UPB1: variants seen among roughly 807,000 people sequenced by gnomAD.
UPB1 encodes beta-ureidopropionase.
A neutral mutation model predicts 49.1 loss-of-function variants in UPB1; 40 were observed. The ratio of observed to expected loss-of-function variants is 0.81; its 90% CI spans 0.63 to 1.06. The LOEUF is 1.06. Ranked by LOEUF, UPB1 falls within the 50% of genes least tolerant of loss-of-function variation. The probability of loss-of-function intolerance (pLI) is 0.00; values close to 1 mark genes in which losing one functional copy is unlikely to be tolerated. For synonymous variants in UPB1, 207 were observed against 198.2 expected, an observed-to-expected ratio of 1.04 and a Z score of -0.38; for missense variants, 499 against 505.9, an observed-to-expected ratio of 0.99 and a Z score of 0.13.
chr22:24,511,613 T>C (rs140326), intron 4 of UPB1, among the ~76,000 whole-genome samples: 3,944 of 96,720 alleles, frequency 0.041, 185 homozygotes, highest in East Asian at 0.13. Flanking sequence ...TATATATATA[T>C]ATATATTTTT....
chr22:24,498,206 C>T (rs149556906), intron 1 of UPB1, among the ~76,000 whole-genome samples: 1 of 152,322 alleles, frequency 6.6e-6, no homozygotes, highest in African/African-American at 2.4e-5. Flanking sequence ...CCCTCATGAC[C>T]TAATCACCTC....
chr22:24,523,678 C>T lies in UPB1; in HGVS notation c.976C>T (p.Arg326Trp), dbSNP rs113975342. 6 of 1,614,272 alleles carry T rather than the reference C, an allele frequency of 3.7e-6. No homozygotes were observed. The highest frequency in any genetic ancestry group is 1.3e-5 in the African/African-American group (1 of 75,066). The change falls in exon 9 of 10, where the codon CGG becomes TGG. Residue 326 changes from arginine to tryptophan, a missense_variant. By Grantham distance (101) the Arg-to-Trp change is moderately radical (BLOSUM62 -3). Coordinates refer to ENST00000326010, the MANE Select transcript of UPB1 (RefSeq NM_016327.3). The part of the protein sequence containing the change: ...SSYVAAPDSS[R>W]TPGLSRSRDG... ...CTATGTGGCAGCCCCTGACAGCAGC[C>T]GGACTCCTGGGCTGTCCCGTAGCCG... is the stretch of plus-strand genomic sequence containing the variant.
At chr22:24,524,897 G>T (rs1291159859) in intron 9 of UPB1, among the ~76,000 whole-genome samples, 1 of 152,136 alleles carries the variant, frequency 6.6e-6, no homozygotes, top group Non-Finnish European at 1.5e-5. Flanking sequence ...CCCAGACATG[G>T]GCTTTTGGCC....
intron 5 of UPB1, among the ~76,000 whole-genome samples, chr22:24,514,868 T>C (rs375075880): frequency 2.0e-4 from 31 of 152,324 alleles, no homozygotes; most frequent in African/African-American, 7.0e-4. Flanking sequence ...CTCGTGTTAA[T>C]GCCAACCAAA....
At chr22:24,508,679 A>C (rs190399551) in intron 3 of UPB1, among the ~76,000 whole-genome samples, 76 of 152,282 alleles carry the variant, frequency 5.0e-4, no homozygotes, top group Non-Finnish European at 7.5e-4. Flanking sequence ...GGAGTTTGAG[A>C]CCAGCCTGGC....
Position 24,495,424 on chromosome 22 carries a change from G to A in UPB1, c.21G>A (p.Lys7=). MAGAEW[K]SLEECLEKHL... ...TGGCCATGGCGGGCGCTGAGTGGAA[G>A]TCGCTGGAGGAATGCTTGGAGAAGC... The change falls in exon 1 of 10, where the codon AAG becomes AAA. Residue 7 remains lysine, a synonymous_variant. Coordinates refer to ENST00000326010, the MANE Select transcript of UPB1 (RefSeq NM_016327.3). 2.5e-6 allele frequency: 4 copies of A among 1,613,484 alleles called. No individual in the cohort carries two copies. Among genetic ancestry groups the A allele is most frequent in the Non-Finnish European group, 3.4e-6 (4 of 1,180,034 alleles).
Position 24,521,853 on chromosome 22 carries a change from C to T in UPB1, c.874-133C>T, listed in dbSNP as rs544592617. 4.1e-5 allele frequency: 37 copies of T among 901,454 alleles called. No homozygotes were observed. The Admixed American group carries it at 6.0e-4, about 15-fold the overall frequency. The allele number at this position is 901,454 out of a possible 1,614,324, so 55.8% of individuals were successfully genotyped here. A position where few individuals can be genotyped will look rare whatever the true frequency, so the allele number is the denominator to read the frequency against. On this transcript the variant is annotated intron_variant, in intron 7 of 9. Coordinates refer to ENST00000326010, the MANE Select transcript of UPB1 (RefSeq NM_016327.3). The stretch of plus-strand genomic sequence containing the variant: ...ATTGCCCGGTGAGTACAGACCATTC[C>T]AGCTCACCTTAACTGTTTCCTGGCT...
chr22:24,517,569 C>T (rs78219900), intron 6 of UPB1, among the ~76,000 whole-genome samples: 2,108 of 152,284 alleles, frequency 0.014, 65 homozygotes, highest in African/African-American at 0.048. Context: ...TGTGCAGAGG[C>T]CCTCCCTGAC....
At chr22:24,502,460 A>G (rs2044011636) in intron 3 of UPB1, 2 of 780,860 alleles carry the variant, frequency 2.6e-6, no homozygotes, top group South Asian at 1.3e-5. Context: ...CTCTACCACC[A>G]CCTGGTCCAA....
At chr22:24,524,333 G>A (rs2044447023) in intron 9 of UPB1, among the ~76,000 whole-genome samples, 1 of 152,170 alleles carries the variant, frequency 6.6e-6, no homozygotes, top group African/African-American at 2.4e-5. Context: ...TGCTGGCTTT[G>A]ACACCTAATG....
intron 3 of UPB1, 56 bp from the exon 4 acceptor site, chr22:24,510,693 C>T (rs891009190): frequency 2.6e-6 from 4 of 1,549,178 alleles, no homozygotes; most frequent in Non-Finnish European, 3.6e-6. Flanking sequence ...GGCTGAGGAG[C>T]CCCCCTCAGA....
At chr22:24,520,315 G>C in intron 6 of UPB1, 72 bp from the exon 7 acceptor site, 8 of 1,550,386 alleles carry the variant, frequency 5.2e-6, no homozygotes, top group Non-Finnish European at 7.1e-6. Flanking sequence ...GCCAGGCCAG[G>C]CTCAGGGCTG....
At chr22:24,513,043 G>T (rs1039040728) in intron 4 of UPB1, among the ~76,000 whole-genome samples, 3 of 152,190 alleles carry the variant, frequency 2.0e-5, no homozygotes, top group Non-Finnish European at 2.9e-5. Flanking sequence ...CCAGGATTAG[G>T]ATTGCCAGAT....
chr22:24,499,774 T>C (rs2043956928), intron 1 of UPB1, among the ~76,000 whole-genome samples: 1 of 152,190 alleles, frequency 6.6e-6, no homozygotes, highest in African/African-American at 2.4e-5. Flanking sequence ...TTCCCTCCTT[T>C]CTGTGCTGAC....
At chr22:24,505,938 C>G (rs549008040) in intron 3 of UPB1, among the ~76,000 whole-genome samples, 2 of 151,626 alleles carry the variant, frequency 1.3e-5, no homozygotes, top group Non-Finnish European at 2.9e-5. Context: ...GTCTCGAACT[C>G]CTGACCTCAG....
At chr22:24,504,279 A>C (rs890913925) in intron 3 of UPB1, among the ~76,000 whole-genome samples, 2 of 152,240 alleles carry the variant, frequency 1.3e-5, no homozygotes, top group Admixed American at 6.5e-5. Context: ...GGCCTTGCCC[A>C]TCTGAAAATA....
intron 8 of UPB1, among the ~76,000 whole-genome samples, chr22:24,523,027 A>G (rs1448065881): frequency 2.6e-5 from 4 of 151,520 alleles, no homozygotes; most frequent in Non-Finnish European, 4.4e-5. Context: ...AGGGTCCCAG[A>G]TGCCGCCATT....
chr22:24,499,998 G>T, intron 1 of UPB1, 109 bp from the exon 2 acceptor site: 1 of 1,561,734 alleles, frequency 6.4e-7, no homozygotes, highest in South Asian at 1.1e-5. Context: ...TTCTAGCCAG[G>T]ACATCCTCAC....
In UPB1 at chr22:24,520,493, A is replaced by G. The variant is rs535506194; in HGVS notation, c.873+25A>G. On this transcript the variant is annotated intron_variant, in intron 7 of 9. Coordinates refer to ENST00000326010, the MANE Select transcript of UPB1 (RefSeq NM_016327.3). ...CGTAAGTCCCGAGGTCTGGCTGGGGAGAGGAGCCACCACCTGGTGGCTCTG... is the reference window on the plus strand; with the variant it reads ...CGTAAGTCCCGAGGTCTGGCTGGGGGGAGGAGCCACCACCTGGTGGCTCTG... 39 of 1,611,618 alleles carry G rather than the reference A, an allele frequency of 2.4e-5. No individual in the cohort carries two copies. In the African/African-American group the frequency reaches 4.1e-4, roughly 17 times the overall value.
Sources: gnomAD v4.1 joint callset for allele counts (sites outside exome capture counted in the v4.1 genomes callset) on GRCh38, gnomAD v4.1.1 for gene constraint, MANE v1.5 for transcripts, NCBI Gene and HGNC (gene_info 2026-07-23, HGNC 2026-07-21) for gene names.